The following PLCG2 variants were observed in gnomAD, a reference collection of about 807,000 sequenced individuals.
The protein encoded by PLCG2 is phospholipase C gamma 2, also known as 1-phosphatidylinositol 4,5-bisphosphate phosphodiesterase gamma-2.
PLCG2 carries 69 observed loss-of-function variants against 175.6 expected under a neutral mutation model. That is an observed-to-expected ratio of 0.39 (90% CI 0.32 to 0.48). PLCG2 has a LOEUF of 0.48. PLCG2 is among the 20% of genes least tolerant of loss of function. The probability of loss-of-function intolerance (pLI) is 0.91; values close to 1 mark genes in which losing one functional copy is unlikely to be tolerated. For synonymous variants in PLCG2, 827 were observed against 624.0 expected (o/e 1.33, Z -4.85); for missense variants, 1,798 against 1,650.9 (o/e 1.09, Z -1.54).
At chr16:81,858,872 G>T (rs55936247) in intron 4 of PLCG2, among the ~76,000 whole-genome samples, 2 of 151,672 alleles carry the variant, frequency 1.3e-5, no homozygotes, top group Non-Finnish European at 2.9e-5. Context: ...GGGATTAAAT[G>T]ACTATCATCA....
At chr16:81,830,217 G>C (rs1437730520) in intron 2 of PLCG2, among the ~76,000 whole-genome samples, 1 of 152,152 alleles carries the variant, frequency 6.6e-6, no homozygotes, top group Non-Finnish European at 1.5e-5. Flanking sequence ...CTACTTAGGA[G>C]TCTGAGGTGG....
intron 13 of PLCG2, among the ~76,000 whole-genome samples, chr16:81,897,564 G>A (rs997945625): frequency 2.5e-5 from 1 of 39,538 alleles, no homozygotes; most frequent in Non-Finnish European, 5.7e-5. Context: ...TTTTTTTTTT[G>A]AGATGGAGTC....
At chr16:81,939,067 G>C (rs1910833092) in intron 29 of PLCG2, 152 bp downstream of exon 29, 2 of 616,044 alleles carry the variant, frequency 3.2e-6, no homozygotes, top group South Asian at 3.9e-5. Context: ...TTGAGGAGGG[G>C]ATACATACAA....
chr16:81,744,379 G>A, intron 1 of PLCG2, among the ~76,000 whole-genome samples: 1 of 151,766 alleles, frequency 6.6e-6, no homozygotes, highest in East Asian at 1.9e-4. Flanking sequence ...TAGCCAGGAT[G>A]GTCTCAATCT....
At chr16:81,879,169 G>C (rs942611106) in intron 7 of PLCG2, among the ~76,000 whole-genome samples, 2 of 152,156 alleles carry the variant, frequency 1.3e-5, no homozygotes, top group African/African-American at 2.4e-5. Context: ...GGTCAGTGAG[G>C]GGGGCCACAC....
At chr16:81,933,068 C>A (rs996973587) in intron 25 of PLCG2, among the ~76,000 whole-genome samples, 12 of 152,198 alleles carry the variant, frequency 7.9e-5, no homozygotes, top group Non-Finnish European at 1.5e-4. Flanking sequence ...TCTGTCTCTC[C>A]CCTGCCTCAC....
intron 2 of PLCG2, among the ~76,000 whole-genome samples, chr16:81,846,412 G>A (rs1194797898): frequency 2.0e-5 from 3 of 152,212 alleles, no homozygotes; most frequent in Non-Finnish European, 4.4e-5. Flanking sequence ...GTAAACACTT[G>A]AGCAAGAATT....
At position 81,960,843 on chromosome 16, in the gene PLCG2, G is replaced by T. The variant is rs1911754138; in HGVS notation, c.*2845G>T. The T allele has an allele frequency of 4.4e-6, 1 of 229,750 alleles. No homozygotes were observed. The highest frequency in any genetic ancestry group is 2.2e-5 in the African/African-American group (1 of 45,154). The allele number at this position is 229,750 out of a possible 1,614,324, so 14.2% of individuals were successfully genotyped here. ...ACCAGAGCTTTCCAAGGAATACACA[G>T]ACTCCAGTACTCTCAGGGGAGCAGT... On this transcript the variant is annotated 3_prime_UTR_variant, in exon 33 of 33. Coordinates refer to ENST00000564138, the MANE Select transcript of PLCG2 (RefSeq NM_002661.5).
intron 19 of PLCG2, among the ~76,000 whole-genome samples, chr16:81,916,635 T>C (rs1909854964): frequency 6.6e-6 from 1 of 151,936 alleles, no homozygotes; most frequent in Non-Finnish European, 1.5e-5. Flanking sequence ...TTTTCAAGAA[T>C]ACAGGACATA....
At chr16:81,794,091 G>T (rs1302613769) in intron 2 of PLCG2, among the ~76,000 whole-genome samples, 1 of 152,156 alleles carries the variant, frequency 6.6e-6, no homozygotes, top group Non-Finnish European at 1.5e-5. Flanking sequence ...GCTCTGCCAG[G>T]TGCTGGAGGT....
chr16:81,817,069 G>A (rs916198986), intron 2 of PLCG2, among the ~76,000 whole-genome samples: 1 of 152,188 alleles, frequency 6.6e-6, no homozygotes, highest in Non-Finnish European at 1.5e-5. Context: ...TGTCCTTCTT[G>A]TGAGTTTTGA....
At chr16:81,803,150 A>C (rs373729993) in intron 2 of PLCG2, among the ~76,000 whole-genome samples, 2 of 125,048 alleles carry the variant, frequency 1.6e-5, no homozygotes, top group African/African-American at 3.1e-5. Context: ...ACGGAATCTC[A>C]CTCTGTCGCC....
intron 13 of PLCG2, among the ~76,000 whole-genome samples, chr16:81,896,866 G>C (rs1366801085): frequency 4.6e-5 from 7 of 152,172 alleles, no homozygotes; most frequent in Non-Finnish European, 7.3e-5. Flanking sequence ...GACAAGGAGG[G>C]GTTAAATGGG....
intron 1 of PLCG2, among the ~76,000 whole-genome samples, chr16:81,744,292 G>T (rs1351454193): frequency 6.6e-6 from 1 of 151,090 alleles, no homozygotes; most frequent in Non-Finnish European, 1.5e-5. Flanking sequence ...AGCCTCCCAA[G>T]TAGCTGGGAT....
chr16:81,790,111 T>C (rs985026634), intron 2 of PLCG2, among the ~76,000 whole-genome samples: 1 of 152,180 alleles, frequency 6.6e-6, no homozygotes, highest in African/African-American at 2.4e-5. Flanking sequence ...CACAGGCTCA[T>C]GGTTGGGAAG....
chr16:81,917,593 T>C (rs1171673090), intron 19 of PLCG2, among the ~76,000 whole-genome samples: 2 of 152,210 alleles, frequency 1.3e-5, no homozygotes, highest in Non-Finnish European at 2.9e-5. Flanking sequence ...AGGTGTGAGG[T>C]GACATCTCAT....
intron 2 of PLCG2, among the ~76,000 whole-genome samples, chr16:81,823,289 G>A (rs907715215): frequency 2.0e-5 from 3 of 152,166 alleles, no homozygotes; most frequent in Middle Eastern, 3.2e-3. Context: ...CCCTGTGGCC[G>A]GGGCAGCTGC....
chr16:81,800,333 A>G (rs919854971), intron 2 of PLCG2, among the ~76,000 whole-genome samples: 1 of 152,092 alleles, frequency 6.6e-6, no homozygotes, highest in African/African-American at 2.4e-5. Context: ...CCCTGCATGT[A>G]TTAGCTATTT....
rs1909954739 is a variant in PLCG2 at position 81,757,543 on chromosome 16, G to T, written c.-48+1577G>T. Among the ~76,000 whole-genome samples the T allele has an allele frequency of 2.6e-5, 4 of 152,056 alleles. 1 individual carries two copies. The South Asian group carries it at 8.3e-4, about 32-fold the overall frequency. On this transcript the variant is annotated intron_variant, in intron 2 of 5. Transcript: ENST00000565054. ...AGCGCCACTGTACTCCAGCCTGGGTGACAGAGTGAGACTCTGTCTCAAAAA... is the reference window on the plus strand; with the variant it reads ...AGCGCCACTGTACTCCAGCCTGGGTTACAGAGTGAGACTCTGTCTCAAAAA...
Sources: allele counts gnomAD v4.1 joint callset (sites outside exome capture counted in the v4.1 genomes callset), GRCh38; gene constraint gnomAD v4.1.1; transcripts MANE v1.5; gene names NCBI Gene and HGNC (gene_info 2026-07-23, HGNC 2026-07-21).